The following PTPRC variants were observed in gnomAD, a reference collection of about 807,000 sequenced individuals.
PTPRC encodes the protein receptor-type tyrosine-protein phosphatase C.
Under a neutral mutation model 155.9 loss-of-function variants are expected in PTPRC, and 44 were observed. That is an observed-to-expected ratio of 0.28 (90% CI 0.22 to 0.36). PTPRC has a LOEUF of 0.36. Ranked by LOEUF, PTPRC falls within the 10% of genes least tolerant of loss-of-function variation. The pLI is 1.00. For missense variants in PTPRC, 1,401 were observed against 1,564.6 expected (o/e 0.90, Z 1.76); for synonymous variants, 525 against 533.1 (o/e 0.98, Z 0.21).
chr1:198,649,646 G>C (rs1663135192), intron 2 of PTPRC, among the ~76,000 whole-genome samples: 1 of 151,734 alleles, frequency 6.6e-6, no homozygotes. Flanking sequence ...ACCTTCCAAA[G>C]CCTCAGTTTC....
intron 17 of PTPRC, among the ~76,000 whole-genome samples, chr1:198,731,082 A>G (rs780962348): frequency 2.5e-4 from 38 of 152,120 alleles, no homozygotes; most frequent in Non-Finnish European, 4.7e-4. Flanking sequence ...CAAACATGGT[A>G]TATAATGTGT....
chr1:198,754,990 C>T (rs1655561841), intron 32 of PTPRC, among the ~76,000 whole-genome samples: 1 of 152,104 alleles, frequency 6.6e-6, no homozygotes, highest in Non-Finnish European at 1.5e-5. Flanking sequence ...AGAAGACTAG[C>T]CCAGGCCTAT....
Position 198,728,330 on chromosome 1 carries a change from T to C in PTPRC, c.1721-10T>C. 1 of 1,605,606 alleles carries C rather than the reference T, an allele frequency of 6.2e-7. No homozygotes were observed. The highest frequency in any genetic ancestry group is 8.5e-7 in the Non-Finnish European group (1 of 1,173,598). On this transcript the variant is annotated splice_polypyrimidine_tract_variant and intron_variant, in intron 15 of 32. Transcript: ENST00000442510. Reference sequence around the variant, plus strand: ...AATCGTTCTCTGAATGTATTATTTTTCATTTCTAGATAATTCTAAGGCACT... The same window carrying C: ...AATCGTTCTCTGAATGTATTATTTTCCATTTCTAGATAATTCTAAGGCACT...
At chr1:198,680,804 A>T (rs1036829234) in intron 2 of PTPRC, among the ~76,000 whole-genome samples, 1 of 152,212 alleles carries the variant, frequency 6.6e-6, no homozygotes, top group Non-Finnish European at 1.5e-5. Context: ...ACCGAAATTC[A>T]GGAGAATGAT....
chr1:198,688,442 C>T (rs1665750935), intron 2 of PTPRC, among the ~76,000 whole-genome samples: 1 of 152,140 alleles, frequency 6.6e-6, no homozygotes, highest in Non-Finnish European at 1.5e-5. Flanking sequence ...ATTCTGTCCT[C>T]TAGCTCCAGA....
chr1:198,664,948 C>T (rs1470577430), intron 2 of PTPRC, among the ~76,000 whole-genome samples: 2 of 152,020 alleles, frequency 1.3e-5, no homozygotes, highest in East Asian at 3.9e-4. Flanking sequence ...TATATTTTTT[C>T]CCTTAAGGCT....
intron 2 of PTPRC, among the ~76,000 whole-genome samples, chr1:198,669,090 C>T (rs6694941): frequency 0.15 from 22,961 of 152,082 alleles, 1,825 homozygotes; most frequent in Admixed American, 0.17. Flanking sequence ...TTGACTTCTT[C>T]GCAAATAAAA....
chr1:198,754,866 G>A (rs1655555450), intron 32 of PTPRC, among the ~76,000 whole-genome samples: 1 of 152,118 alleles, frequency 6.6e-6, no homozygotes, highest in Non-Finnish European at 1.5e-5. Context: ...TTCAGCTGAT[G>A]TGTGCCCTAC....
intron 2 of PTPRC, among the ~76,000 whole-genome samples, chr1:198,685,968 G>T (rs922130612): frequency 6.6e-6 from 1 of 150,454 alleles, no homozygotes; most frequent in Admixed American, 6.6e-5. Flanking sequence ...TTTTTTTAGC[G>T]GGGAGGGAGA....
chr1:198,714,626 C>T (rs1653481541), intron 12 of PTPRC, among the ~76,000 whole-genome samples: 1 of 152,202 alleles, frequency 6.6e-6, no homozygotes, highest in Admixed American at 6.5e-5. Context: ...CTCTTTGGAG[C>T]CAGCTCTACT....
chr1:198,649,976 G>A (rs1018599774), intron 2 of PTPRC, among the ~76,000 whole-genome samples: 5 of 151,794 alleles, frequency 3.3e-5, no homozygotes, highest in African/African-American at 1.2e-4. Context: ...AGAGTGATCG[G>A]GGAAGATCCT....
At chr1:198,707,023 G>A in intron 9 of PTPRC, 71 bp downstream of exon 9, 6 of 1,272,094 alleles carry the variant, frequency 4.7e-6, no homozygotes, top group South Asian at 1.2e-5. Context: ...GTTCTCCAGT[G>A]GTCACAGGAG....
intron 2 of PTPRC, among the ~76,000 whole-genome samples, chr1:198,642,895 T>TCTTTCTTC (rs780083760): frequency 0.14 from 11,189 of 77,458 alleles, 886 homozygotes; most frequent in East Asian, 0.21. Flanking sequence ...TTTTTTCTTT[T>TCTTTCTTC]CTTTCTTTCT....
Position 198,708,154 on chromosome 1 carries a change from A to G in PTPRC, c.926A>G (p.His309Arg), listed in dbSNP as rs1279900525. The change falls in exon 10 of 33, where the codon CAT (histidine) becomes CGT (arginine). Residue 309 changes from histidine to arginine, a missense_variant. His to Arg is a conservative substitution (Grantham distance 29). Around this residue, in one of 3 missense-constraint regions of PTPRC, gnomAD observed 867 missense variants for 970.4 expected, o/e 0.89. Coordinates refer to ENST00000442510, the MANE Select transcript of PTPRC (RefSeq NM_002838.5). ...VPPGVEKFQL[H>R]DCTQVEKADT... ...TCAGGGGTTGAAAAGTTTCAGTTAC[A>G]TGATTGTACACAAGTTGAAAAAGCA... 5 of 1,606,786 alleles carry G rather than the reference A, an allele frequency of 3.1e-6. No individual in the cohort carries two copies. The highest frequency in any genetic ancestry group is 2.7e-5 in the African/African-American group (2 of 74,868).
At chr1:198,735,083 CTTAAA>C (rs1350665258) in intron 22 of PTPRC, 39 bp from the exon 23 acceptor site, 2 of 1,489,632 alleles carry the variant, frequency 1.3e-6, no homozygotes, top group Admixed American at 4.1e-5. Flanking sequence ...AAAAAATTGG[CTTAAA>C]TTAAAAATTA....
intron 25 of PTPRC, 28 bp from the exon 26 acceptor site, chr1:198,744,022 TTAAC>T (rs749471643): frequency 6.4e-7 from 1 of 1,566,754 alleles, no homozygotes; most frequent in Admixed American, 1.7e-5. Flanking sequence ...AGATTATCAG[TTAAC>T]TATCTGTATT....
At chr1:198,642,684 C>G (rs1431821873) in intron 2 of PTPRC, among the ~76,000 whole-genome samples, 1 of 151,856 alleles carries the variant, frequency 6.6e-6, no homozygotes, top group Non-Finnish European at 1.5e-5. Flanking sequence ...TTATTTCTCA[C>G]CTGTAAAATT....
intron 14 of PTPRC, among the ~76,000 whole-genome samples, chr1:198,719,904 C>G (rs192292179): frequency 2.2e-4 from 34 of 152,258 alleles, no homozygotes; most frequent in African/African-American, 7.7e-4. Flanking sequence ...AGCCACCGTG[C>G]CCGGCCCATA....
intron 2 of PTPRC, among the ~76,000 whole-genome samples, chr1:198,642,964 CTT>C (rs1179306301): frequency 2.8e-5 from 4 of 140,470 alleles, no homozygotes; most frequent in Non-Finnish European, 4.7e-5. Context: ...TTCTTTCTTT[CTT>C]TCTTTTTTCT....
Sources: allele counts gnomAD v4.1 joint callset (sites outside exome capture counted in the v4.1 genomes callset), GRCh38; gene constraint gnomAD v4.1.1; regional missense constraint gnomAD v4.1.1; transcripts MANE v1.5; gene names NCBI Gene and HGNC (gene_info 2026-07-23, HGNC 2026-07-21).